The following PDGFRA variants were observed in gnomAD, a reference collection of about 807,000 sequenced individuals.
The protein encoded by PDGFRA is platelet-derived growth factor receptor alpha.
In PDGFRA, 25 loss-of-function variants were observed where a neutral mutation model predicts 121.5. The observed-to-expected ratio is 0.21, with a 90% CI of 0.15 to 0.29. The LOEUF (loss-of-function observed/expected upper bound fraction) is 0.29. PDGFRA is among the 10% of genes least tolerant of loss of function. The pLI, the probability that PDGFRA is intolerant of heterozygous loss-of-function variation, is 1.00. For synonymous variants in PDGFRA, 463 were observed against 494.8 expected (o/e 0.94, Z 0.85); for missense variants, 1,008 against 1,345.1 (o/e 0.75, Z 3.92).
At chr4:54,271,785 TCCC>T (rs1723380202) in intron 8 of PDGFRA, among the ~76,000 whole-genome samples, 1 of 146,058 alleles carries the variant, frequency 6.8e-6, no homozygotes, top group Non-Finnish European at 1.5e-5. Context: ...CCTTCCTTCC[TCCC>T]TCCCTCACTC....
chr4:54,291,775 T>A (rs998145277), intron 22 of PDGFRA, among the ~76,000 whole-genome samples: 1 of 152,248 alleles, frequency 6.6e-6, no homozygotes, highest in African/African-American at 2.4e-5. Context: ...ATCCCATTAC[T>A]GGGTATATAA....
Position 54,290,429 on chromosome 4 carries a change from G to C in PDGFRA, c.2997G>C (p.Lys999Asn), listed in dbSNP as rs772463000. ...IGVTYKNEED[K>N]LKDWEGGLDE... is the part of the protein sequence containing the mutation. ...TCACCTACAAAAACGAGGAAGACAAGCTGAAGGACTGGGAGGGTGGTCTGG... is the reference window on the plus strand; with the variant it reads ...TCACCTACAAAAACGAGGAAGACAACCTGAAGGACTGGGAGGGTGGTCTGG... The change falls in exon 22 of 23, where the codon AAG becomes AAC. Residue 999 changes from lysine to asparagine, a missense_variant. Transcript: ENST00000257290. 24 of 1,614,166 alleles carry C rather than the reference G, an allele frequency of 1.5e-5. No homozygotes were observed. Among genetic ancestry groups the C allele is most frequent in the Non-Finnish European group, 4.2e-6 (5 of 1,179,982 alleles).
At position 54,262,917 on chromosome 4, in the gene PDGFRA, T is replaced by C. The variant is rs115685179; in HGVS notation, c.368-750T>C. Among the ~76,000 whole-genome samples, 1,118 of 152,290 alleles carry C rather than the reference T, an allele frequency of 7.3e-3. 11 individuals are homozygous for C. The highest frequency in any genetic ancestry group is 0.026 in the African/African-American group (1,086 of 41,554). ...GCACAGATGCCATCCAAGTAGCCCCTGCATCGCTGTCTGACTGAGATCTTT... is the reference window on the plus strand; with the variant it reads ...GCACAGATGCCATCCAAGTAGCCCCCGCATCGCTGTCTGACTGAGATCTTT... On this transcript the variant is annotated intron_variant, in intron 3 of 22. Coordinates refer to ENST00000257290, the MANE Select transcript of PDGFRA (RefSeq NM_006206.6).
chr4:54,282,145 T>C (rs1380333022), intron 16 of PDGFRA, among the ~76,000 whole-genome samples: 1 of 152,150 alleles, frequency 6.6e-6, no homozygotes, highest in East Asian at 1.9e-4. Context: ...AGATTGGTCC[T>C]TGTGGCTGTG....
chr4:54,289,329 G>A (rs751913935), intron 21 of PDGFRA, among the ~76,000 whole-genome samples: 45 of 152,268 alleles, frequency 3.0e-4, no homozygotes, highest in Admixed American at 1.1e-3. Flanking sequence ...CATCTTATAT[G>A]TACAGTACCT....
chr4:54,236,254 G>T (rs1036825077), intron 1 of PDGFRA, among the ~76,000 whole-genome samples: 15 of 152,202 alleles, frequency 9.9e-5, no homozygotes, highest in Non-Finnish European at 1.6e-4. Context: ...CTCAGAATTT[G>T]TAGTTTCAGT....
chr4:54,236,603 A>G (rs1232344988), intron 1 of PDGFRA, among the ~76,000 whole-genome samples: 1 of 152,178 alleles, frequency 6.6e-6, no homozygotes, highest in Non-Finnish European at 1.5e-5. Flanking sequence ...GGAGTTCGAG[A>G]TCAGCCTGAC....
At chr4:54,268,411 A>T (rs1230479431) in intron 7 of PDGFRA, among the ~76,000 whole-genome samples, 1 of 152,214 alleles carries the variant, frequency 6.6e-6, no homozygotes, top group Non-Finnish European at 1.5e-5. Context: ...AGATGATATC[A>T]TGAGGCCTCT....
chr4:54,255,506 CTTTTTTTTTTT>C (rs375357866), intron 1 of PDGFRA, among the ~76,000 whole-genome samples: 1 of 138,118 alleles, frequency 7.2e-6, no homozygotes, highest in Admixed American at 7.3e-5. Context: ...TCTCCCCTTT[CTTTTTTTTTTT>C]TTTTTTGAGA....
chr4:54,243,975 C>T (rs1025751608), intron 1 of PDGFRA, among the ~76,000 whole-genome samples: 1 of 152,208 alleles, frequency 6.6e-6, no homozygotes, highest in Non-Finnish European at 1.5e-5. Flanking sequence ...AGCACAGCAG[C>T]CTGAGATCAA....
intron 1 of PDGFRA, among the ~76,000 whole-genome samples, chr4:54,231,871 CCA>C (rs1404968889): frequency 6.6e-6 from 1 of 152,262 alleles, no homozygotes; most frequent in East Asian, 1.9e-4. Context: ...CGCCCCTGGG[CCA>C]GTTTCCTCTC....
At chr4:54,283,908 C>T (rs1011910447) in intron 16 of PDGFRA, among the ~76,000 whole-genome samples, 6 of 152,172 alleles carry the variant, frequency 3.9e-5, no homozygotes, top group African/African-American at 1.4e-4. Context: ...GCCTCTGCTT[C>T]TCTTTTAAAT....
chr4:54,275,031 A>G, intron 12 of PDGFRA, 58 bp downstream of exon 12: 3 of 1,584,148 alleles, frequency 1.9e-6, no homozygotes, highest in Non-Finnish European at 1.7e-6. Flanking sequence ...CAACTTTACA[A>G]TTTATAGGCC....
chr4:54,264,886 T>C, intron 4 of PDGFRA, 33 bp from the exon 5 acceptor site: 1 of 1,599,348 alleles, frequency 6.3e-7, no homozygotes. Context: ...ATCCTGTGGA[T>C]TTTTAGGCCC....
At chr4:54,269,192 A>AGCAC (rs902253730) in intron 7 of PDGFRA, among the ~76,000 whole-genome samples, 1 of 152,098 alleles carries the variant, frequency 6.6e-6, no homozygotes, top group Non-Finnish European at 1.5e-5. Flanking sequence ...CCAGTCCTGG[A>AGCAC]GCACACCCAG....
chr4:54,259,039 A>G (rs1577702078), intron 2 of PDGFRA, among the ~76,000 whole-genome samples: 2 of 152,232 alleles, frequency 1.3e-5, no homozygotes, highest in Admixed American at 6.5e-5. Context: ...TGGCAGTTTT[A>G]GTACATATAT....
chr4:54,254,688 G>A lies in PDGFRA; in HGVS notation c.-12-4069G>A, dbSNP rs539514407. On this transcript the variant is annotated intron_variant, in intron 1 of 22. Coordinates refer to ENST00000257290, the MANE Select transcript of PDGFRA (RefSeq NM_006206.6). ...TCCTTTGAAGTTTGCTGAGTGGATT[G>A]TCAGTGGGAGGCTGATATTTACATG... Among the ~76,000 whole-genome samples, 268 of 152,310 alleles carry A rather than the reference G, an allele frequency of 1.8e-3. 2 individuals are homozygous for A. In the Middle Eastern group the frequency reaches 0.048, roughly 27 times the overall value.
chr4:54,240,689 A>G (rs757465121), intron 1 of PDGFRA, among the ~76,000 whole-genome samples: 15 of 152,242 alleles, frequency 9.9e-5, no homozygotes, highest in Non-Finnish European at 2.2e-4. Context: ...TGTCTAGTAG[A>G]GATCCTTGTT....
Position 54,229,375 on chromosome 4 carries a change from A to AT in PDGFRA, c.-52dup. The AT allele has an allele frequency of 2.5e-6, 1 of 398,600 alleles. No individual in the cohort carries two copies. The allele number at this position is 398,600 out of a possible 1,614,324, so 24.7% of individuals were successfully genotyped here. ...AGGCCGTGGGCACGCTCTTTACTCC[A>AT]TGTGTGGGACATTCATTGCGGAATA... On this transcript the variant is annotated 5_prime_UTR_variant, in exon 1 of 23. An upstream start codon of the reference 5' UTR is lost. Coordinates refer to ENST00000257290, the MANE Select transcript of PDGFRA (RefSeq NM_006206.6).
Sources: allele counts gnomAD v4.1 joint callset (sites outside exome capture counted in the v4.1 genomes callset), GRCh38; gene constraint gnomAD v4.1.1; transcripts MANE v1.5; gene names NCBI Gene and HGNC (gene_info 2026-07-23, HGNC 2026-07-21).